Variants in PRMT9 observed in about 807,000 individuals in gnomAD.
PRMT9 encodes protein arginine methyltransferase 9, also known as protein arginine N-methyltransferase 9.
A neutral mutation model predicts 83.2 loss-of-function variants in PRMT9; 59 were observed. That is an observed-to-expected ratio of 0.71 (90% CI 0.57 to 0.88). PRMT9 has a LOEUF of 0.88. Among genes scored for constraint, PRMT9 ranks in the 40% least tolerant of loss-of-function variants. The pLI is 0.00. For missense variants in PRMT9, 947 were observed against 1,021.9 expected (o/e 0.93, Z 1.00); for synonymous variants, 333 against 353.2 (o/e 0.94, Z 0.64).
intron 9 of PRMT9, among the ~76,000 whole-genome samples, chr4:147,646,951 C>A (rs548385594): frequency 6.6e-6 from 1 of 152,278 alleles, no homozygotes; most frequent in Admixed American, 6.5e-5. Context: ...CGGACCCAGG[C>A]ATAGGGTAAG....
At chr4:147,649,752 G>T (rs1229969456) in intron 9 of PRMT9, among the ~76,000 whole-genome samples, 1 of 152,104 alleles carries the variant, frequency 6.6e-6, no homozygotes, top group African/African-American at 2.4e-5. Flanking sequence ...TGATCCGCCC[G>T]CCTTGGCCTC....
At chr4:147,642,991 G>A (rs778552755) in intron 9 of PRMT9, 51 bp from the exon 10 acceptor site, 3 of 1,551,288 alleles carry the variant, frequency 1.9e-6, no homozygotes, top group African/African-American at 1.4e-5. Context: ...GGGCGACAGT[G>A]GCTCACGCCT....
chr4:147,672,186 C>T (rs76592467), intron 4 of PRMT9: 7,595 of 238,204 alleles, frequency 0.032, 330 homozygotes, highest in East Asian at 0.21. Flanking sequence ...AATGTAGAGA[C>T]GATTGAAAAG....
chr4:147,654,745 C>T (rs1482858104), intron 8 of PRMT9, among the ~76,000 whole-genome samples, 179 bp from the exon 9 acceptor site: 1 of 152,114 alleles, frequency 6.6e-6, no homozygotes, highest in African/African-American at 2.4e-5. Context: ...TAGGGAAAAA[C>T]TGAAATTTGA....
At chr4:147,658,975 T>G (rs560662245) in intron 7 of PRMT9, among the ~76,000 whole-genome samples, 2 of 151,954 alleles carry the variant, frequency 1.3e-5, no homozygotes, top group African/African-American at 2.4e-5. Context: ...GCCAGGAGAT[T>G]GAGACCATCC....
chr4:147,639,198 G>T, intron 10 of PRMT9, 116 bp from the exon 11 acceptor site: 1 of 983,780 alleles, frequency 1.0e-6, no homozygotes. Context: ...TGACTCAATA[G>T]TACTTGACAG....
intron 8 of PRMT9, 59 bp from the exon 9 acceptor site, chr4:147,654,625 A>AT (rs1734362620): frequency 9.4e-7 from 1 of 1,066,156 alleles, no homozygotes; most frequent in Admixed American, 1.7e-5. Flanking sequence ...AGAGGATCAC[A>AT]TAAACATCTC....
At chr4:147,668,690 A>T in intron 5 of PRMT9, 45 bp from the exon 6 acceptor site, 1 of 1,072,328 alleles carries the variant, frequency 9.3e-7, no homozygotes, top group East Asian at 2.4e-5. Context: ...ATGTATGTAA[A>T]AATGTGTGTG....
chr4:147,665,931 C>T (rs1321345257), intron 6 of PRMT9, among the ~76,000 whole-genome samples: 1 of 152,164 alleles, frequency 6.6e-6, no homozygotes, highest in African/African-American at 2.4e-5. Context: ...CACATCACTG[C>T]ACACATGTAT....
At chr4:147,661,808 AAAAAAT>A (rs1734982097) in intron 6 of PRMT9, among the ~76,000 whole-genome samples, 1 of 151,300 alleles carries the variant, frequency 6.6e-6, no homozygotes, top group African/African-American at 2.4e-5. Flanking sequence ...AAAAAAAAAA[AAAAAAT>A]TCACAATGCA....
At chr4:147,643,688 T>C (rs538457458) in intron 9 of PRMT9, among the ~76,000 whole-genome samples, 1 of 152,166 alleles carries the variant, frequency 6.6e-6, no homozygotes, top group South Asian at 2.1e-4. Context: ...CATGTGATTG[T>C]ATTAACATCA....
At chr4:147,666,775 G>C (rs1429926553) in intron 6 of PRMT9, among the ~76,000 whole-genome samples, 3 of 130,082 alleles carry the variant, frequency 2.3e-5, no homozygotes, top group Non-Finnish European at 4.7e-5. Flanking sequence ...CATTTATTTT[G>C]TCAACACCTT....
intron 1 of PRMT9, among the ~76,000 whole-genome samples, chr4:147,680,808 C>A (rs752145295): frequency 1.1e-4 from 16 of 152,206 alleles, no homozygotes; most frequent in Admixed American, 3.3e-4. Context: ...TCTTTTTTCA[C>A]TCATCCATCC....
At chr4:147,639,454 TAATTG>T (rs1733235466) in intron 10 of PRMT9, among the ~76,000 whole-genome samples, 1 of 152,232 alleles carries the variant, frequency 6.6e-6, no homozygotes, top group African/African-American at 2.4e-5. Context: ...GGTACAACAC[TAATTG>T]AATTGTCTCA....
chr4:147,650,254 A>G (rs1225199610), intron 9 of PRMT9, among the ~76,000 whole-genome samples: 1 of 152,246 alleles, frequency 6.6e-6, no homozygotes, highest in Non-Finnish European at 1.5e-5. Flanking sequence ...CATAGATGAT[A>G]TGTCATATAT....
intron 7 of PRMT9, among the ~76,000 whole-genome samples, chr4:147,658,994 A>G (rs925805965): frequency 5.9e-5 from 9 of 152,110 alleles, no homozygotes; most frequent in African/African-American, 9.7e-5. Flanking sequence ...CCTGGCTAAC[A>G]CGGTGAAACC....
intron 4 of PRMT9, 80 bp downstream of exon 4, chr4:147,672,879 T>C (rs1735822946): frequency 3.4e-6 from 4 of 1,179,554 alleles, no homozygotes; most frequent in African/African-American, 1.5e-5. Context: ...GCATTTTGTT[T>C]GGACTAAAAG....
In PRMT9 at chr4:147,670,741, A is replaced by G. The variant is rs1735673702; in HGVS notation, c.746T>C (p.Val249Ala). 2 of 1,589,644 alleles carry G rather than the reference A, an allele frequency of 1.3e-6. No individual in the cohort carries two copies. The highest frequency in any genetic ancestry group is 2.2e-5 in the East Asian group (1 of 44,680). ...GACAGTTTCTGTTACAACTAGGGAC[A>G]CTCTATAGAATGATTTTTTAAAGAT... ...IEIPKHIPER[V>A]SLVVTETVDA... Residue 249 changes from valine to alanine, a missense_variant and splice_region_variant, in exon 5 of 12, where the codon GTG (valine) becomes GCG (alanine). By Grantham distance (64) the Val-to-Ala change is moderately conservative. Transcript: ENST00000322396.
intron 9 of PRMT9, among the ~76,000 whole-genome samples, chr4:147,644,377 A>AC (rs922406915): frequency 1.3e-5 from 2 of 151,488 alleles, no homozygotes; most frequent in African/African-American, 4.8e-5. Flanking sequence ...AAAATTTAAA[A>AC]AAAAAAAAAA....
Sources: allele counts gnomAD v4.1 joint callset (sites outside exome capture counted in the v4.1 genomes callset), GRCh38; gene constraint gnomAD v4.1.1; transcripts MANE v1.5; gene names NCBI Gene and HGNC (gene_info 2026-07-23, HGNC 2026-07-21).